The following NBEA variants were observed in gnomAD, a reference collection of about 807,000 sequenced individuals.
NBEA encodes the protein neurobeachin, also known as lysosomal-trafficking regulator 2.
Under a neutral mutation model 343.4 loss-of-function variants are expected in NBEA, and 44 were observed. The ratio of observed to expected loss-of-function variants is 0.13; its 90% CI spans 0.10 to 0.16. NBEA has a LOEUF of 0.16. Ranked by LOEUF, NBEA falls within the 10% of genes least tolerant of loss-of-function variation. NBEA has a pLI of 1.00. For missense variants in NBEA, 2,555 were observed against 3,631.3 expected (o/e 0.70, Z 7.62); for synonymous variants, 1,175 against 1,238.7 (o/e 0.95, Z 1.08).
chr13:35,359,929 G>A lies in NBEA; in HGVS notation c.6179+7606G>A, dbSNP rs150875209. On this transcript the variant is annotated intron_variant, in intron 38 of 58. Transcript: ENST00000379939. The stretch of plus-strand genomic sequence containing the variant: ...TGTTTAGTTTTCTGGTAAGATGTTG[G>A]GAGCACACCTATGTATTGACGGTAA... Among the ~76,000 whole-genome samples the A allele has an allele frequency of 5.3e-3, 799 of 151,598 alleles. 11 individuals are homozygous for A. Among genetic ancestry groups the A allele is most frequent in the Non-Finnish European group, 4.9e-3 (331 of 67,856 alleles).
intron 53 of NBEA, among the ~76,000 whole-genome samples, chr13:35,652,340 TA>T (rs35238270): frequency 0.72 from 99,128 of 137,546 alleles, 36,054 homozygotes; most frequent in East Asian, 0.88. Context: ...AACTTAAATT[TA>T]AAAAAAAAAA....
intron 38 of NBEA, among the ~76,000 whole-genome samples, chr13:35,398,628 A>T (rs1040199648): frequency 5.3e-5 from 8 of 152,056 alleles, no homozygotes; most frequent in Admixed American, 3.9e-4. Flanking sequence ...ATATTTTGAA[A>T]ATCTTTTTTT....
chr13:35,492,511 A>G (rs1423724461), intron 41 of NBEA, among the ~76,000 whole-genome samples: 1 of 151,976 alleles, frequency 6.6e-6, no homozygotes, highest in Non-Finnish European at 1.5e-5. Flanking sequence ...AGGTCTCTCT[A>G]TCTCCAAGAT....
intron 17 of NBEA, among the ~76,000 whole-genome samples, chr13:35,124,253 G>GTT (rs550215199): frequency 7.1e-5 from 8 of 112,996 alleles, no homozygotes; most frequent in South Asian, 2.8e-4. Context: ...TTTCGCCCTT[G>GTT]TTTTTTTTTT....
intron 38 of NBEA, among the ~76,000 whole-genome samples, chr13:35,388,201 T>A (rs1182466178): frequency 1.3e-5 from 2 of 152,138 alleles, no homozygotes; most frequent in African/African-American, 2.4e-5. Context: ...TGGCCAAATC[T>A]TATGTACTCA....
chr13:35,389,970 AGTGTGTGTGTGT>A (rs10523765), intron 38 of NBEA, among the ~76,000 whole-genome samples: 2 of 137,962 alleles, frequency 1.4e-5, no homozygotes, highest in East Asian at 2.2e-4. Context: ...TCTTTTGTAG[AGTGTGTGTGTGT>A]GTGTGTGTGT....
chr13:35,096,413 G>A (rs1288758582), intron 10 of NBEA, among the ~76,000 whole-genome samples: 1 of 151,738 alleles, frequency 6.6e-6, no homozygotes, highest in Admixed American at 6.6e-5. Context: ...ACTCCACTGT[G>A]TTTAGAGGTC....
chr13:35,162,767 G>A (rs1029037863), intron 23 of NBEA, among the ~76,000 whole-genome samples: 3 of 151,930 alleles, frequency 2.0e-5, no homozygotes, highest in African/African-American at 7.3e-5. Flanking sequence ...TAATTAACTA[G>A]TAACTAGGGT....
At chr13:35,212,533 A>G (rs1383389908) in intron 33 of NBEA, among the ~76,000 whole-genome samples, 2 of 152,100 alleles carry the variant, frequency 1.3e-5, no homozygotes, top group Non-Finnish European at 2.9e-5. Context: ...TAATATGCAT[A>G]TTTGTTAGAT....
chr13:35,242,840 T>C (rs1462226606), intron 34 of NBEA, among the ~76,000 whole-genome samples: 1 of 151,790 alleles, frequency 6.6e-6, no homozygotes, highest in Non-Finnish European at 1.5e-5. Context: ...AAATTAAGAA[T>C]TTTCCAGATA....
chr13:35,324,509 T>C (rs2152843043), intron 36 of NBEA, among the ~76,000 whole-genome samples: 1 of 152,322 alleles, frequency 6.6e-6, no homozygotes, highest in Admixed American at 6.5e-5. Context: ...AAAGGTAATA[T>C]AATACATGGA....
rs1240514972 is a variant in NBEA at position 35,556,747 on chromosome 13, G to A, written c.6922+1645G>A. 2.6e-5 allele frequency among the ~76,000 whole-genome samples: 4 copies of A among 152,050 alleles called. No individual in the cohort carries two copies. The East Asian group carries it at 7.7e-4, about 29-fold the overall frequency. ...AACTCAATTTTATTTCTCATTCATT[G>A]CTTATATTCGCAAATATAAATTACT... On this transcript the variant is annotated intron_variant, in intron 44 of 58. Coordinates refer to ENST00000379939, the MANE Select transcript of NBEA (RefSeq NM_001385012.1).
intron 1 of NBEA, among the ~76,000 whole-genome samples, chr13:34,977,511 G>A (rs968680363): frequency 6.6e-6 from 1 of 151,966 alleles, no homozygotes; most frequent in Admixed American, 6.6e-5. Flanking sequence ...GTTTCACCAT[G>A]TTGGCCAGGC....
intron 34 of NBEA, among the ~76,000 whole-genome samples, chr13:35,249,430 A>G (rs1162282185): frequency 6.6e-6 from 1 of 152,186 alleles, no homozygotes; most frequent in Non-Finnish European, 1.5e-5. Flanking sequence ...TAAAACTACA[A>G]ATAACCCAGT....
intron 39 of NBEA, among the ~76,000 whole-genome samples, chr13:35,442,514 G>A (rs1413568117): frequency 1.3e-5 from 2 of 152,004 alleles, no homozygotes; most frequent in Non-Finnish European, 2.9e-5. Flanking sequence ...ATTTTCTTTA[G>A]AAAGCATAGA....
rs147966137 is a variant in NBEA at position 35,245,232 on chromosome 13, G to A, written c.5776+12613G>A. Among the ~76,000 whole-genome samples the A allele has an allele frequency of 8.2e-3, 1,253 of 152,128 alleles. 8 individuals are homozygous for A. Among genetic ancestry groups the A allele is most frequent in the Non-Finnish European group, 0.014 (970 of 67,960 alleles). ...TTTAAAGGCAGCAGATACTTGTTTG[G>A]TGAATTCTTATCTATTCTGTAATTC... On this transcript the variant is annotated intron_variant, in intron 34 of 58. Coordinates refer to ENST00000379939, the MANE Select transcript of NBEA (RefSeq NM_001385012.1).
At chr13:35,218,357 T>C (rs927753070) in intron 33 of NBEA, among the ~76,000 whole-genome samples, 13 of 152,130 alleles carry the variant, frequency 8.5e-5, no homozygotes, top group African/African-American at 3.1e-4. Context: ...CAGAATATCC[T>C]GAAATGTTAA....
chr13:35,481,199 A>G (rs2076107728), intron 41 of NBEA, among the ~76,000 whole-genome samples: 1 of 151,900 alleles, frequency 6.6e-6, no homozygotes, highest in South Asian at 2.1e-4. Context: ...TTGCTTAATA[A>G]GCTTGATATT....
chr13:35,391,970 C>G (rs1357661436), intron 38 of NBEA, among the ~76,000 whole-genome samples: 1 of 152,006 alleles, frequency 6.6e-6, no homozygotes, highest in African/African-American at 2.4e-5. Flanking sequence ...GTGCTACTTT[C>G]ATTAATATGA....
Sources: allele counts gnomAD v4.1 joint callset (sites outside exome capture counted in the v4.1 genomes callset), GRCh38; gene constraint gnomAD v4.1.1; transcripts MANE v1.5; gene names NCBI Gene and HGNC (gene_info 2026-07-23, HGNC 2026-07-21).